Variants in TLN2 observed in about 807,000 individuals in gnomAD.
TLN2 encodes talin 2, also known as talin-2.
A neutral mutation model predicts 294.7 loss-of-function variants in TLN2; 118 were observed. The ratio of observed to expected loss-of-function variants is 0.40; its 90% CI spans 0.34 to 0.47. TLN2 has a LOEUF of 0.47. Ranked by LOEUF, TLN2 falls within the 20% of genes least tolerant of loss-of-function variation. The pLI, the probability that TLN2 is intolerant of heterozygous loss-of-function variation, is 0.84. For synonymous variants in TLN2, 1,431 were observed against 1,304.5 expected, an observed-to-expected ratio of 1.10 and a Z score of -2.09; for missense variants, 3,083 against 3,282.2, an observed-to-expected ratio of 0.94 and a Z score of 1.48.
intron 14 of TLN2, among the ~76,000 whole-genome samples, 195 bp downstream of exon 14, chr15:62,694,587 G>A (rs186763974): frequency 3.9e-5 from 6 of 152,312 alleles, no homozygotes; most frequent in East Asian, 1.9e-4. Context: ...GGGAGGCTGA[G>A]GATTTTAGGG....
intron 18 of TLN2, among the ~76,000 whole-genome samples, chr15:62,702,546 C>T (rs139179096): frequency 5.5e-4 from 84 of 152,308 alleles, no homozygotes; most frequent in African/African-American, 1.9e-3. Context: ...ACTAATTGGC[C>T]ATTTCAAATC....
chr15:62,439,963 G>A (rs1415961588), intron 1 of TLN2, among the ~76,000 whole-genome samples: 4 of 152,180 alleles, frequency 2.6e-5, no homozygotes, highest in Admixed American at 6.5e-5. Flanking sequence ...AAACAGGGGC[G>A]ATGATACCAT....
At chr15:62,671,801 TGTTTGG>T (rs1448716667) in intron 9 of TLN2, among the ~76,000 whole-genome samples, 3 of 152,216 alleles carry the variant, frequency 2.0e-5, no homozygotes, top group South Asian at 4.1e-4. Flanking sequence ...GAATTTCTTG[TGTTTGG>T]GTTTGGCTAA....
chr15:62,513,870 G>C (rs2040053194), intron 1 of TLN2, among the ~76,000 whole-genome samples: 1 of 152,224 alleles, frequency 6.6e-6, no homozygotes, highest in Non-Finnish European at 1.5e-5. Flanking sequence ...GTAAAAGCCT[G>C]TAGCCTTGTG....
At chr15:62,765,655 A>G (rs2062953375) in intron 40 of TLN2, among the ~76,000 whole-genome samples, 1 of 151,606 alleles carries the variant, frequency 6.6e-6, no homozygotes, top group Non-Finnish European at 1.5e-5. Flanking sequence ...CATCCCCCAC[A>G]CTCTCAGAAT....
intron 3 of TLN2, chr15:62,640,430 A>G (rs1406191306): frequency 1.6e-5 from 7 of 446,750 alleles, no homozygotes; most frequent in South Asian, 4.7e-5. Flanking sequence ...GGCCCCATTG[A>G]GGTATGGTAG....
rs111529197 is a variant in TLN2, at chr15:62,708,844, C to A, written c.2467+48C>A. ...GGTGGATGGGTGGCTTTTGATGTTC[C>A]TGATGGTGGTGCTAACCCATAGGGA... On this transcript the variant is annotated intron_variant, in intron 21 of 58. Coordinates refer to ENST00000636159, the MANE Select transcript of TLN2 (RefSeq NM_015059.3). The A allele has an allele frequency of 1.4e-5, 22 of 1,552,662 alleles. 1 individual carries two copies. In the African/African-American group the frequency reaches 2.0e-4, roughly 14 times the overall value.
At chr15:62,496,467 A>G (rs2039023690) in intron 1 of TLN2, among the ~76,000 whole-genome samples, 1 of 152,152 alleles carries the variant, frequency 6.6e-6, no homozygotes, top group Non-Finnish European at 1.5e-5. Flanking sequence ...AGGACTCAAG[A>G]CTGTCTACCT....
intron 1 of TLN2, among the ~76,000 whole-genome samples, chr15:62,446,998 G>A (rs1312715135): frequency 6.6e-6 from 1 of 152,150 alleles, no homozygotes; most frequent in Non-Finnish European, 1.5e-5. Context: ...CTGAACAAAT[G>A]GGTTTTTAGG....
At chr15:62,548,481 G>T (rs535880440) in intron 1 of TLN2, among the ~76,000 whole-genome samples, 14 of 152,270 alleles carry the variant, frequency 9.2e-5, no homozygotes, top group African/African-American at 3.4e-4. Flanking sequence ...GTTGCACACA[G>T]GGTTCTCTAG....
chr15:62,632,701 C>T (rs888178548), intron 3 of TLN2, among the ~76,000 whole-genome samples: 12 of 152,296 alleles, frequency 7.9e-5, no homozygotes, highest in Middle Eastern at 3.4e-3. Flanking sequence ...GTAGATTGAC[C>T]TGTATCCTTC....
chr15:62,694,316 A>C lies in TLN2; in HGVS notation c.1216A>C (p.Lys406Gln), dbSNP rs752501771. The change falls in exon 14 of 59, where the codon AAA (lysine) becomes CAA (glutamine). Residue 406 changes from lysine (K) to glutamine (Q), a missense_variant and splice_region_variant. Physicochemically the swap from Lys to Gln is moderately conservative, Grantham distance 53 (BLOSUM62 1). Transcript: ENST00000636159. ...GCATCTTGTTTTATTGCATTTCCAGAAACAAAGTAAAGATCGATTTGGACT... is the reference window on the plus strand; with the variant it reads ...GCATCTTGTTTTATTGCATTTCCAGCAACAAAGTAAAGATCGATTTGGACT... ...AGYIDIILKK[K>Q]QSKDRFGLEG... 1.2e-6 allele frequency: 2 copies of C among 1,614,068 alleles called. No individual in the cohort carries two copies. Among genetic ancestry groups the C allele is most frequent in the Non-Finnish European group, 1.7e-6 (2 of 1,179,956 alleles).
chr15:62,532,035 TTTTTCTTTTTCTC>T (rs1364673178), intron 1 of TLN2, among the ~76,000 whole-genome samples: 1 of 145,514 alleles, frequency 6.9e-6, no homozygotes, highest in Non-Finnish European at 1.5e-5. Flanking sequence ...TTTTTTTACT[TTTTTCTTTTTCTC>T]TTTTCTTTTT....
chr15:62,631,586 C>CCTTTCCTTTCCTTTCCT (rs1415984692), intron 3 of TLN2, among the ~76,000 whole-genome samples: 1 of 136,368 alleles, frequency 7.3e-6, no homozygotes, highest in African/African-American at 2.8e-5. Flanking sequence ...CTTTCTCTCT[C>CCTTTCCTTTCCTTTCCT]TTCTTTCACT....
chr15:62,625,944 G>T (rs1596384448), intron 3 of TLN2, among the ~76,000 whole-genome samples: 1 of 152,150 alleles, frequency 6.6e-6, no homozygotes, highest in African/African-American at 2.4e-5. Flanking sequence ...GGCTGTAGGT[G>T]GGGTAGGGCC....
intron 28 of TLN2, among the ~76,000 whole-genome samples, chr15:62,733,078 T>C (rs1411664214): frequency 6.6e-6 from 1 of 151,758 alleles, no homozygotes; most frequent in African/African-American, 2.4e-5. Context: ...AGTGGTAGAG[T>C]GAGAGACAGC....
intron 7 of TLN2, among the ~76,000 whole-genome samples, chr15:62,654,568 AC>A (rs2052973306): frequency 2.6e-5 from 4 of 151,944 alleles, no homozygotes; most frequent in Non-Finnish European, 5.9e-5. Context: ...AGCCTGACCA[AC>A]ACGGTGAAAC....
intron 45 of TLN2, chr15:62,784,109 G>A (rs928906725): frequency 2.9e-6 from 2 of 692,482 alleles, no homozygotes; most frequent in Non-Finnish European, 4.5e-6. Flanking sequence ...CAAGAACTGG[G>A]GCATGGGCTT....
At chr15:62,675,358 C>G (rs777924383) in intron 11 of TLN2, 37 bp downstream of exon 11, 1 of 1,595,330 alleles carries the variant, frequency 6.3e-7, no homozygotes, top group Admixed American at 1.7e-5. Flanking sequence ...TTCACCTTGG[C>G]CCCTTCTTTT....
Sources: allele counts gnomAD v4.1 joint callset (sites outside exome capture counted in the v4.1 genomes callset), GRCh38; gene constraint gnomAD v4.1.1; transcripts MANE v1.5; gene names NCBI Gene and HGNC (gene_info 2026-07-23, HGNC 2026-07-21).